The following GPC5 variants were observed in gnomAD, a reference collection of about 807,000 sequenced individuals.
GPC5 encodes the protein glypican 5, also known as glypican-5.
In GPC5, 47 loss-of-function variants were observed where a neutral mutation model predicts 53.9. The observed-to-expected ratio is 0.87, with a 90% CI of 0.69 to 1.11. GPC5 has a LOEUF of 1.11. Among genes scored for constraint, GPC5 ranks in the 50% most tolerant of loss-of-function variants. GPC5 has a pLI of 0.00. For missense variants in GPC5, 748 were observed against 713.1 expected (o/e 1.05, Z -0.56); for synonymous variants, 286 against 263.3 (o/e 1.09, Z -0.84).
chr13:92,317,884 C>A lies in GPC5; in HGVS notation c.1561+172895C>A, dbSNP rs192283617. On this transcript the variant is annotated intron_variant, in intron 7 of 7. Coordinates refer to ENST00000377067, the MANE Select transcript of GPC5 (RefSeq NM_004466.6). ...ATTGTTAAAGCATTCTGGAATACCTCGACAGTATAAAAATTTTAAGCATTT... is the reference window on the plus strand; with the variant it reads ...ATTGTTAAAGCATTCTGGAATACCTAGACAGTATAAAAATTTTAAGCATTT... Among the ~76,000 whole-genome samples, 95 of 152,122 alleles carry A rather than the reference C, an allele frequency of 6.2e-4. 3 individuals are homozygous for A. Among genetic ancestry groups the A allele is most frequent in the Non-Finnish European group, 1.2e-4 (8 of 68,008 alleles).
At chr13:92,508,703 T>C (rs1880461715) in intron 7 of GPC5, among the ~76,000 whole-genome samples, 1 of 152,196 alleles carries the variant, frequency 6.6e-6, no homozygotes, top group Non-Finnish European at 1.5e-5. Context: ...ATCAGCATGT[T>C]AGCTGGAGGC....
At chr13:91,648,913 TG>T (rs959213532) in intron 2 of GPC5, among the ~76,000 whole-genome samples, 1 of 152,152 alleles carries the variant, frequency 6.6e-6, no homozygotes, top group Non-Finnish European at 1.5e-5. Flanking sequence ...GGGATGGCTG[TG>T]TCCCCACCCA....
In GPC5 at chr13:91,399,007, TG is replaced by T; in HGVS notation, c.-36del. 6.5e-7 allele frequency: 1 copy of T among 1,534,026 alleles called. No individual in the cohort carries two copies. Among genetic ancestry groups the T allele is most frequent in the South Asian group, 1.2e-5 (1 of 83,084 alleles). ...GCTCAGCCAGGGCGCGCAGGGCGAG[TG>T]GGGTCCACTGGCGGGTAAAGGGGAC... On this transcript the variant is annotated 5_prime_UTR_variant, in exon 1 of 8. Coordinates refer to ENST00000377067, the MANE Select transcript of GPC5 (RefSeq NM_004466.6).
chr13:92,785,931 C>T (rs867099411), intron 7 of GPC5, among the ~76,000 whole-genome samples: 1 of 152,148 alleles, frequency 6.6e-6, no homozygotes, highest in African/African-American at 2.4e-5. Context: ...CCAATGCTGG[C>T]ACATGAGAAG....
At chr13:92,476,167 A>C (rs1879119224) in intron 7 of GPC5, among the ~76,000 whole-genome samples, 1 of 152,218 alleles carries the variant, frequency 6.6e-6, no homozygotes, top group Admixed American at 6.5e-5. Flanking sequence ...TAACATTCAG[A>C]ATCTACAATG....
At chr13:91,802,032 T>C (rs2038144362) in intron 5 of GPC5, among the ~76,000 whole-genome samples, 2 of 135,928 alleles carry the variant, frequency 1.5e-5, no homozygotes, top group African/African-American at 5.7e-5. Context: ...CACAGAACTA[T>C]TTATTTGTGT....
At chr13:91,439,946 G>T (rs117249872) in intron 1 of GPC5, among the ~76,000 whole-genome samples, 4,093 of 152,100 alleles carry the variant, frequency 0.027, 88 homozygotes, top group Middle Eastern at 0.054. Flanking sequence ...CTTCTACAAG[G>T]CCCCATGTGA....
intron 2 of GPC5, among the ~76,000 whole-genome samples, chr13:91,573,313 C>T (rs1024638581): frequency 8.5e-5 from 13 of 152,138 alleles, no homozygotes; most frequent in African/African-American, 2.4e-4. Flanking sequence ...AATCTCCTTA[C>T]GACAGCTACT....
chr13:92,527,241 GAAAGAAAGAGAAAGAAAGAAAGAA>G lies in GPC5; in HGVS notation c.1562-339039_1562-339016del, dbSNP rs1566277201. Among the ~76,000 whole-genome samples the G allele has an allele frequency of 2.7e-4, 10 of 36,584 alleles. 1 individual carries two copies. The highest frequency in any genetic ancestry group is 1.3e-3 in the African/African-American group (10 of 7,470). The allele number at this position is 36,584 out of a possible 152,430, so 24.0% of individuals were successfully genotyped here. ...AGAAAGAAAGAAAGAAAGAAAGAAA[GAAAGAAAGAGAAAGAAAGAAAGAA>G]AGAAAGAAAGAAAGAAAAAGATCAA... On this transcript the variant is annotated intron_variant, in intron 7 of 7. Transcript: ENST00000377067.
intron 5 of GPC5, among the ~76,000 whole-genome samples, chr13:91,858,080 T>C (rs1027532278): frequency 6.6e-6 from 1 of 151,736 alleles, no homozygotes; most frequent in African/African-American, 2.4e-5. Context: ...TTTTTAGTAA[T>C]ATATTTGCTA....
intron 6 of GPC5, among the ~76,000 whole-genome samples, chr13:92,123,233 T>C (rs1566445135): frequency 6.6e-6 from 1 of 151,800 alleles, no homozygotes; most frequent in Non-Finnish European, 1.5e-5. Context: ...GTCTAAACCC[T>C]GTCTCTACTT....
intron 7 of GPC5, among the ~76,000 whole-genome samples, chr13:92,471,690 G>T (rs1878919950): frequency 6.6e-6 from 1 of 152,096 alleles, no homozygotes; most frequent in Admixed American, 6.6e-5. Flanking sequence ...TCAAGGAGTT[G>T]CAGGCGCTAA....
At chr13:92,434,173 C>T (rs1378597423) in intron 7 of GPC5, among the ~76,000 whole-genome samples, 1 of 152,124 alleles carries the variant, frequency 6.6e-6, no homozygotes, top group African/African-American at 2.4e-5. Flanking sequence ...ACTTTTAATG[C>T]ATAATAACTG....
At chr13:91,857,266 T>C (rs899222441) in intron 5 of GPC5, among the ~76,000 whole-genome samples, 1 of 151,308 alleles carries the variant, frequency 6.6e-6, no homozygotes, top group African/African-American at 2.4e-5. Flanking sequence ...AACTTATCAG[T>C]TTCTTCAAAA....
intron 7 of GPC5, among the ~76,000 whole-genome samples, chr13:92,855,956 C>T (rs189510341): frequency 1.3e-5 from 2 of 152,140 alleles, no homozygotes; most frequent in Non-Finnish European, 2.9e-5. Context: ...ACCAGTCCCC[C>T]TGAAACTATT....
chr13:92,837,398 G>A (rs1878255853), intron 7 of GPC5, among the ~76,000 whole-genome samples: 2 of 152,086 alleles, frequency 1.3e-5, no homozygotes, highest in African/African-American at 4.8e-5. Flanking sequence ...CTGGAGAGGC[G>A]ACAATTCAGA....
At chr13:92,635,815 C>A (rs1885390177) in intron 7 of GPC5, among the ~76,000 whole-genome samples, 1 of 152,210 alleles carries the variant, frequency 6.6e-6, no homozygotes, top group Non-Finnish European at 1.5e-5. Context: ...AGCTTACATT[C>A]CTAAACATAA....
rs897392929 is a variant in GPC5 at position 92,060,488 on chromosome 13, A to G, written c.1402-84342A>G. On this transcript the variant is annotated intron_variant, in intron 6 of 7. Coordinates refer to ENST00000377067, the MANE Select transcript of GPC5 (RefSeq NM_004466.6). ...TCTAAGAGGAATCTCAGAGAAACGTATGTTGGTATTCTTCTAAAATCTCTT... is the reference window on the plus strand; with the variant it reads ...TCTAAGAGGAATCTCAGAGAAACGTGTGTTGGTATTCTTCTAAAATCTCTT... 3.9e-5 allele frequency among the ~76,000 whole-genome samples: 6 copies of G among 152,056 alleles called. 1 individual carries two copies. Among genetic ancestry groups the G allele is most frequent in the Admixed American group, 1.3e-4 (2 of 15,272 alleles).
At chr13:92,266,043 A>G (rs966545670) in intron 7 of GPC5, among the ~76,000 whole-genome samples, 2 of 152,198 alleles carry the variant, frequency 1.3e-5, no homozygotes, top group African/African-American at 4.8e-5. Flanking sequence ...TAACAATAGC[A>G]TTAATCCATT....
Sources: allele counts gnomAD v4.1 joint callset (sites outside exome capture counted in the v4.1 genomes callset), GRCh38; gene constraint gnomAD v4.1.1; transcripts MANE v1.5; gene names NCBI Gene and HGNC (gene_info 2026-07-23, HGNC 2026-07-21).